PELI1: variants seen among roughly 807,000 people sequenced by gnomAD.
PELI1 encodes pellino E3 ubiquitin protein ligase 1.
Under a neutral mutation model 41.3 loss-of-function variants are expected in PELI1, and 15 were observed. The observed-to-expected ratio is 0.36, with a 90% CI of 0.24 to 0.56. The LOEUF (loss-of-function observed/expected upper bound fraction) is 0.56. PELI1 is among the 20% of genes least tolerant of loss of function. The pLI is 0.82. For missense variants in PELI1, 403 were observed against 525.5 expected, an observed-to-expected ratio of 0.77 and a Z score of 2.28; for synonymous variants, 178 against 180.1, an observed-to-expected ratio of 0.99 and a Z score of 0.09.
Position 64,102,238 on chromosome 2 carries a change from T to A in PELI1, c.202-1739A>T, listed in dbSNP as rs1680464213. Among the ~76,000 whole-genome samples, 5 of 152,122 alleles carry A rather than the reference T, an allele frequency of 3.3e-5. No homozygotes were observed. The South Asian group carries it at 1.0e-3, about 32-fold the overall frequency. ...TCCAACCTCAAGAATGCAGTGTAGATCATTTACATGCATGTTTTACATATT... is the reference window on the plus strand; with the variant it reads ...TCCAACCTCAAGAATGCAGTGTAGAACATTTACATGCATGTTTTACATATT... On this transcript the variant is annotated intron_variant, in intron 3 of 6. Transcript: ENST00000358912.
intron 1 of PELI1, among the ~76,000 whole-genome samples, chr2:64,116,504 T>G (rs962719116): frequency 2.6e-5 from 4 of 152,224 alleles, no homozygotes; most frequent in Non-Finnish European, 5.9e-5. Context: ...AAAGTCAGCA[T>G]CCCACACTGG....
intron 3 of PELI1, among the ~76,000 whole-genome samples, chr2:64,103,083 T>TC (rs1052459574): frequency 6.6e-6 from 1 of 152,098 alleles, no homozygotes; most frequent in African/African-American, 2.4e-5. Flanking sequence ...GCTCAAGTGA[T>TC]CCGCCCACCT....
At chr2:64,125,648 T>TA (rs554551755) in intron 1 of PELI1, among the ~76,000 whole-genome samples, 63 of 152,336 alleles carry the variant, frequency 4.1e-4, no homozygotes, top group Non-Finnish European at 7.5e-4. Flanking sequence ...TCTAGCTAGC[T>TA]AATAGTTCTA....
chr2:64,121,031 A>T (rs1393604388), intron 1 of PELI1, among the ~76,000 whole-genome samples: 1 of 152,192 alleles, frequency 6.6e-6, no homozygotes, highest in Non-Finnish European at 1.5e-5. Context: ...CCCCTGAAGC[A>T]GTTCTGTAAA....
intron 1 of PELI1, among the ~76,000 whole-genome samples, chr2:64,118,903 C>A (rs113714085): frequency 7.3e-5 from 11 of 151,604 alleles, no homozygotes; most frequent in Non-Finnish European, 1.3e-4. Flanking sequence ...ATTCTGGCTA[C>A]GAAACAACAA....
At chr2:64,097,772 A>G (rs1421980426) in intron 4 of PELI1, among the ~76,000 whole-genome samples, 1 of 152,242 alleles carries the variant, frequency 6.6e-6, no homozygotes, top group Non-Finnish European at 1.5e-5. Context: ...AGTTCCTCAT[A>G]TCGGCACACT....
intron 1 of PELI1, among the ~76,000 whole-genome samples, chr2:64,125,241 CA>C (rs552280280): frequency 3.3e-5 from 5 of 152,154 alleles, no homozygotes; most frequent in Non-Finnish European, 7.3e-5. Flanking sequence ...ACAAAAGTCC[CA>C]ACCCTCTTAA....
At chr2:64,126,504 A>C (rs1378335676) in intron 1 of PELI1, among the ~76,000 whole-genome samples, 1 of 152,208 alleles carries the variant, frequency 6.6e-6, no homozygotes, top group African/African-American at 2.4e-5. Context: ...GTCACCAACA[A>C]CACAATTACT....
At chr2:64,135,593 C>T (rs1681691381) in intron 1 of PELI1, among the ~76,000 whole-genome samples, 1 of 152,072 alleles carries the variant, frequency 6.6e-6, no homozygotes. Flanking sequence ...GAGCTATTGG[C>T]AGAGTAATGA....
At chr2:64,112,771 A>G (rs75176680) in intron 1 of PELI1, among the ~76,000 whole-genome samples, 2 of 152,182 alleles carry the variant, frequency 1.3e-5, no homozygotes, top group African/African-American at 4.8e-5. Flanking sequence ...TAATCAATCA[A>G]TATACAACTG....
chr2:64,100,860 G>A (rs1036209013), intron 3 of PELI1, among the ~76,000 whole-genome samples: 1 of 152,024 alleles, frequency 6.6e-6, no homozygotes, highest in Non-Finnish European at 1.5e-5. Flanking sequence ...CCAAGCAGCT[G>A]GGACTACAGG....
chr2:64,118,220 A>C (rs768940870), intron 1 of PELI1, among the ~76,000 whole-genome samples: 2 of 152,168 alleles, frequency 1.3e-5, no homozygotes, highest in Admixed American at 6.5e-5. Flanking sequence ...ATTTCTATGA[A>C]TTCCCTCTTT....
chr2:64,119,083 C>T (rs1218879122), intron 1 of PELI1, among the ~76,000 whole-genome samples: 1 of 151,786 alleles, frequency 6.6e-6, no homozygotes, highest in African/African-American at 2.4e-5. Flanking sequence ...GCAATATACA[C>T]CTGTAGTGAT....
chr2:64,112,082 G>A (rs1298470228), intron 1 of PELI1, among the ~76,000 whole-genome samples: 2 of 151,912 alleles, frequency 1.3e-5, no homozygotes, highest in African/African-American at 4.8e-5. Flanking sequence ...TCTATTTATA[G>A]TAGCAAAAAA....
rs528594563 is a variant in PELI1, at chr2:64,116,232, C to T, written c.-69-7853G>A. Among the ~76,000 whole-genome samples, 10 of 152,300 alleles carry T rather than the reference C, an allele frequency of 6.6e-5. No individual in the cohort carries two copies. In the South Asian group the frequency reaches 1.7e-3, roughly 25 times the overall value. ...CTTAATTCTCCACACCTAGAAAATA[C>T]ATTTTTAAACACACAACTAAGAACC... On this transcript the variant is annotated intron_variant, in intron 1 of 6. Coordinates refer to ENST00000358912, the MANE Select transcript of PELI1 (RefSeq NM_020651.4).
At chr2:64,134,908 T>C (rs542188441) in intron 1 of PELI1, among the ~76,000 whole-genome samples, 14 of 152,324 alleles carry the variant, frequency 9.2e-5, no homozygotes, top group Non-Finnish European at 2.1e-4. Flanking sequence ...CCAAATGATA[T>C]GTTGAGCACT....
At chr2:64,133,341 T>C (rs1049679592) in intron 1 of PELI1, among the ~76,000 whole-genome samples, 3 of 152,120 alleles carry the variant, frequency 2.0e-5, no homozygotes, top group South Asian at 2.1e-4. Flanking sequence ...ACAGTATAGA[T>C]AGAAGAGAGA....
chr2:64,126,043 T>C (rs1161675978), intron 1 of PELI1, among the ~76,000 whole-genome samples: 3 of 152,240 alleles, frequency 2.0e-5, no homozygotes, highest in South Asian at 2.1e-4. Context: ...TTAAGGGATA[T>C]ATTCAACCTA....
chr2:64,122,239 C>A (rs1160568015), intron 1 of PELI1, among the ~76,000 whole-genome samples: 3 of 146,534 alleles, frequency 2.0e-5, no homozygotes, highest in African/African-American at 7.5e-5. Flanking sequence ...GCTTGGCTTA[C>A]AAAAGTCTTA....
Sources: gnomAD v4.1 joint callset for allele counts (sites outside exome capture counted in the v4.1 genomes callset) on GRCh38, gnomAD v4.1.1 for gene constraint, MANE v1.5 for transcripts, NCBI Gene and HGNC (gene_info 2026-07-23, HGNC 2026-07-21) for gene names.